The following DGAT2 variants were observed in gnomAD, a reference collection of about 807,000 sequenced individuals.
DGAT2 encodes the protein diacylglycerol O-acyltransferase 2.
Under a neutral mutation model 48.4 loss-of-function variants are expected in DGAT2, and 33 were observed. That is an observed-to-expected ratio of 0.68 (90% CI 0.52 to 0.91). The LOEUF (loss-of-function observed/expected upper bound fraction) is 0.91. Among genes scored for constraint, DGAT2 ranks in the 40% least tolerant of loss-of-function variants. The pLI is 0.00. For missense variants in DGAT2, 446 were observed against 493.7 expected (o/e 0.90, Z 0.92); for synonymous variants, 191 against 194.1 (o/e 0.98, Z 0.13).
chr11:75,790,399 C>T, intron 3 of DGAT2, 104 bp downstream of exon 3: 1 of 1,046,710 alleles, frequency 9.6e-7, no homozygotes, highest in Non-Finnish European at 1.5e-6. Context: ...TTAACACCCA[C>T]TTTGTGAAAA....
Position 75,790,272 on chromosome 11 carries a change from T to A in DGAT2, c.335T>A (p.Phe112Tyr), listed in dbSNP as rs763665698. The A allele has an allele frequency of 5.3e-5, 85 of 1,614,008 alleles. No individual in the cohort carries two copies. The highest frequency in any genetic ancestry group is 2.4e-5 in the Non-Finnish European group (28 of 1,179,984). Reference protein sequence around the residue: ...IAVLYFTWLVFDWNTPKKGGR... With the variant: ...IAVLYFTWLVYDWNTPKKGGR... ...GTGCTCTACTTCACTTGGCTGGTGT[T>A]TGACTGGAACACACCCAAGAAAGGT... The change falls in exon 3 of 8, where the codon TTT becomes TAT. Residue 112 changes from phenylalanine to tyrosine, a missense_variant. Phe to Tyr is a conservative substitution (Grantham distance 22, BLOSUM62 3). Coordinates refer to ENST00000228027, the MANE Select transcript of DGAT2 (RefSeq NM_032564.5).
chr11:75,775,218 G>A (rs991907305), intron 1 of DGAT2, among the ~76,000 whole-genome samples: 1 of 152,206 alleles, frequency 6.6e-6, no homozygotes, highest in Non-Finnish European at 1.5e-5. Context: ...TAGTGCTAAT[G>A]GGGAAACCTA....
chr11:75,770,428 T>G (rs2135755056), intron 1 of DGAT2, among the ~76,000 whole-genome samples: 1 of 152,366 alleles, frequency 6.6e-6, no homozygotes, highest in South Asian at 2.1e-4. Context: ...CTGCCCCATG[T>G]ATCCAGCCAG....
At position 75,790,686 on chromosome 11, in the gene DGAT2, A is replaced by C. The variant is rs1269341070; in HGVS notation, c.384A>C (p.Arg128=). The change falls in exon 4 of 8, where the codon CGA becomes CGC. Residue 128 remains arginine (R), a synonymous_variant. Coordinates refer to ENST00000228027, the MANE Select transcript of DGAT2 (RefSeq NM_032564.5). ...GTGGCAGGAGGTCACAGTGGGTCCG[A>C]AACTGGGCTGTGTGGCGCTACTTTC... The part of the protein sequence containing the change: ...KKGGRRSQWV[R]NWAVWRYFRD... The C allele has an allele frequency of 1.2e-6, 2 of 1,613,952 alleles. No homozygotes were observed. The highest frequency in any genetic ancestry group is 2.7e-5 in the African/African-American group (2 of 74,858).
At chr11:75,770,769 T>C (rs1944749530) in intron 1 of DGAT2, among the ~76,000 whole-genome samples, 1 of 152,200 alleles carries the variant, frequency 6.6e-6, no homozygotes, top group Non-Finnish European at 1.5e-5. Context: ...GTCAGGAACA[T>C]TTCCCCATGT....
intron 1 of DGAT2, among the ~76,000 whole-genome samples, chr11:75,771,161 T>C (rs950021283): frequency 6.6e-6 from 1 of 151,916 alleles, no homozygotes; most frequent in African/African-American, 2.4e-5. Flanking sequence ...TCTGGTTTCT[T>C]GGCCAAAAAA....
At chr11:75,773,222 G>C (rs1484731007) in intron 1 of DGAT2, among the ~76,000 whole-genome samples, 1 of 152,206 alleles carries the variant, frequency 6.6e-6, no homozygotes, top group Non-Finnish European at 1.5e-5. Flanking sequence ...GGCCTCCTCT[G>C]TCCCTGTAAC....
intron 1 of DGAT2, chr11:75,776,527 T>G (rs1164566433): frequency 6.6e-6 from 1 of 152,232 alleles, no homozygotes; most frequent in Non-Finnish European, 1.5e-5. Context: ...ATGCCTGGTA[T>G]GCATGTGCTA....
intron 1 of DGAT2, among the ~76,000 whole-genome samples, chr11:75,773,152 C>G (rs1944774062): frequency 6.6e-6 from 1 of 152,188 alleles, no homozygotes; most frequent in South Asian, 2.1e-4. Context: ...TGGGACTGCC[C>G]CATTCCTCTT....
At chr11:75,769,943 A>G (rs917265843) in intron 1 of DGAT2, among the ~76,000 whole-genome samples, 2 of 152,146 alleles carry the variant, frequency 1.3e-5, no homozygotes, top group Non-Finnish European at 2.9e-5. Context: ...CCTCTCTGAC[A>G]TGGATTTTTC....
chr11:75,798,479 T>C (rs1168988064), intron 7 of DGAT2, 50 bp downstream of exon 7: 12 of 1,594,246 alleles, frequency 7.5e-6, no homozygotes, highest in Non-Finnish European at 1.0e-5. Flanking sequence ...CAGGGTGCCA[T>C]ACAGCTAATC....
chr11:75,798,249 T>C lies in DGAT2; in HGVS notation c.832T>C (p.Ser278Pro). Residue 278 changes from serine (S) to proline (P), a missense_variant, in exon 7 of 8, where the codon TCC (serine) becomes CCC (proline). Coordinates refer to ENST00000228027, the MANE Select transcript of DGAT2 (RefSeq NM_032564.5). ...RHGADLVPIY[S>P]FGENEVYKQV... is the part of the protein sequence containing the mutation. Reference sequence around the variant, plus strand: ...CAGAGCTGACCTGGTTCCCATCTACTCCTTTGGAGAGAATGAAGTGTACAA... The same window carrying C: ...CAGAGCTGACCTGGTTCCCATCTACCCCTTTGGAGAGAATGAAGTGTACAA... 6.2e-7 allele frequency: 1 copy of C among 1,614,136 alleles called. No individual in the cohort carries two copies. The highest frequency in any genetic ancestry group is 1.1e-5 in the South Asian group (1 of 91,090).
At position 75,796,403 on chromosome 11, in the gene DGAT2, G is replaced by A. The variant is rs1565319993; in HGVS notation, c.505G>A (p.Gly169Ser). 2 of 1,614,066 alleles carry A rather than the reference G, an allele frequency of 1.2e-6. No individual in the cohort carries two copies. The highest frequency in any genetic ancestry group is 1.7e-5 in the Admixed American group (1 of 60,018). Reference protein sequence around the residue: ...GYHPHGIMGLGAFCNFSTEAT... With the variant: ...GYHPHGIMGLSAFCNFSTEAT... ...CCACCCCCATGGTATCATGGGCCTG[G>A]GTGCCTTCTGCAACTTCAGCACAGA... Residue 169 changes from glycine to serine, a missense_variant, in exon 5 of 8, where the codon GGT becomes AGT. Gly to Ser is a moderately conservative substitution (Grantham distance 56). Transcript: ENST00000228027.
intron 7 of DGAT2, among the ~76,000 whole-genome samples, chr11:75,800,031 G>T (rs2135783123): frequency 6.6e-6 from 1 of 152,224 alleles, no homozygotes; most frequent in East Asian, 1.9e-4. Flanking sequence ...GGAATGGCTT[G>T]CCCAGAGCAG....
chr11:75,781,625 A>T (rs912576607), intron 1 of DGAT2, among the ~76,000 whole-genome samples: 11 of 152,354 alleles, frequency 7.2e-5, no homozygotes, highest in African/African-American at 2.2e-4. Context: ...ACAGTTGCCC[A>T]GGCAGATGGG....
intron 1 of DGAT2, among the ~76,000 whole-genome samples, chr11:75,782,477 C>A (rs1290068465): frequency 2.0e-5 from 3 of 152,214 alleles, no homozygotes; most frequent in African/African-American, 7.2e-5. Context: ...CTTAACCAGC[C>A]TCCGGTGGCC....
Position 75,797,284 on chromosome 11 carries a change from T to C in DGAT2, c.761T>C (p.Val254Ala), listed in dbSNP as rs770537432. 2 of 1,568,870 alleles carry C rather than the reference T, an allele frequency of 1.3e-6. No homozygotes were observed. The highest frequency in any genetic ancestry group is 2.4e-5 in the East Asian group (1 of 41,732). The part of the protein sequence containing the change: ...SLSSMPGKNA[V>A]TLRNRKGFVK... Reference sequence around the variant, plus strand: ...AGCTCCATGCCTGGCAAGAATGCAGTCACCCTGCGGAACCGCAAGGGCTTT... The same window carrying C: ...AGCTCCATGCCTGGCAAGAATGCAGCCACCCTGCGGAACCGCAAGGGCTTT... Residue 254 changes from valine to alanine, a missense_variant, in exon 6 of 8, where the codon GTC becomes GCC. Transcript: ENST00000228027.
Position 75,781,399 on chromosome 11 carries a change from G to A in DGAT2, c.122-3219G>A, listed in dbSNP as rs1033831106. On this transcript the variant is annotated intron_variant, in intron 1 of 7. Coordinates refer to ENST00000228027, the MANE Select transcript of DGAT2 (RefSeq NM_032564.5). ...CTGAGGTGGACTGGGGGCTCCCACT[G>A]GCCCGGGGTTCAGCATCCATGGCCA... Among the ~76,000 whole-genome samples the A allele has an allele frequency of 3.3e-5, 5 of 152,350 alleles. No homozygotes were observed. In the East Asian group the frequency reaches 7.7e-4, roughly 24 times the overall value.
chr11:75,776,360 A>G (rs1227762116), intron 1 of DGAT2: 1 of 152,230 alleles, frequency 6.6e-6, no homozygotes, highest in Non-Finnish European at 1.5e-5. Flanking sequence ...AAATGCACAC[A>G]CATACCTTTT....
Sources: gnomAD v4.1 joint callset for allele counts (sites outside exome capture counted in the v4.1 genomes callset) on GRCh38, gnomAD v4.1.1 for gene constraint, MANE v1.5 for transcripts, NCBI Gene and HGNC (gene_info 2026-07-23, HGNC 2026-07-21) for gene names.